Variants in OSBP2 observed in about 807,000 individuals in gnomAD.
OSBP2 encodes the protein oxysterol-binding protein 2.
OSBP2 carries 66 observed loss-of-function variants against 96.0 expected under a neutral mutation model. That is an observed-to-expected ratio of 0.69 (90% CI 0.56 to 0.84). OSBP2 has a LOEUF of 0.84. OSBP2 is among the 40% of genes least tolerant of loss of function. The pLI is 0.00. For missense variants in OSBP2, 1,038 were observed against 1,222.7 expected (o/e 0.85, Z 2.25); for synonymous variants, 525 against 520.9 (o/e 1.01, Z -0.11).
chr22:30,817,823 A>G (rs888782542), intron 2 of OSBP2, among the ~76,000 whole-genome samples: 8 of 152,192 alleles, frequency 5.3e-5, no homozygotes, highest in Non-Finnish European at 1.0e-4. Context: ...AGGAATCTAC[A>G]GTGGGTGTGC....
At chr22:30,761,970 C>T (rs114016225) in intron 2 of OSBP2, among the ~76,000 whole-genome samples, 1 of 152,112 alleles carries the variant, frequency 6.6e-6, no homozygotes, top group Admixed American at 6.5e-5. Flanking sequence ...ATAATACTCC[C>T]AGCAGTTTGG....
chr22:30,795,341 G>A (rs2090742327), intron 2 of OSBP2, among the ~76,000 whole-genome samples: 1 of 152,032 alleles, frequency 6.6e-6, no homozygotes, highest in Admixed American at 6.6e-5. Context: ...CCATATTTGG[G>A]AAAAATTCAT....
chr22:30,841,130 A>G (rs1172597937), intron 2 of OSBP2, among the ~76,000 whole-genome samples: 1 of 152,118 alleles, frequency 6.6e-6, no homozygotes, highest in Non-Finnish European at 1.5e-5. Flanking sequence ...GCATCACTGT[A>G]CTCCAGCCTG....
chr22:30,766,708 A>G (rs2090274684), intron 2 of OSBP2, among the ~76,000 whole-genome samples: 1 of 152,126 alleles, frequency 6.6e-6, no homozygotes, highest in Non-Finnish European at 1.5e-5. Flanking sequence ...GAGGGAGTCC[A>G]TGTTTCCCCT....
intron 1 of OSBP2, among the ~76,000 whole-genome samples, chr22:30,718,979 A>G (rs969142353): frequency 6.6e-6 from 1 of 152,186 alleles, no homozygotes; most frequent in Non-Finnish European, 1.5e-5. Flanking sequence ...ATTTTGCTAG[A>G]TACAGGCATG....
In OSBP2 at chr22:30,811,174, C is replaced by A. The variant is rs866216396; in HGVS notation, c.854-59255C>A. Reference sequence around the variant, plus strand: ...ATATAAGTATACACAACCCCCCCCCCACACATACATATATAAAAATGAGAT... The same window carrying A: ...ATATAAGTATACACAACCCCCCCCCAACACATACATATATAAAAATGAGAT... On this transcript the variant is annotated intron_variant, in intron 2 of 13. Transcript: ENST00000332585. Among the ~76,000 whole-genome samples, 111 of 137,876 alleles carry A rather than the reference C, an allele frequency of 8.1e-4. 4 individuals carry two copies. In the East Asian group the frequency reaches 0.013, roughly 16 times the overall value. The allele number at this position is 137,876 out of a possible 152,430, so 90.5% of individuals were successfully genotyped here.
intron 12 of OSBP2, among the ~76,000 whole-genome samples, chr22:30,905,134 CTTTTTTTTT>C (rs566334052): frequency 0.46 from 31,607 of 69,054 alleles, 6,124 homozygotes; most frequent in East Asian, 0.68. Flanking sequence ...CGAGACCCGT[CTTTTTTTTT>C]TTTTTTTTTT....
chr22:30,723,004 T>C (rs899090165), intron 1 of OSBP2, among the ~76,000 whole-genome samples: 3 of 152,120 alleles, frequency 2.0e-5, no homozygotes, highest in Non-Finnish European at 4.4e-5. Context: ...TAGGTTAGTC[T>C]TGAACTCCTG....
intron 2 of OSBP2, among the ~76,000 whole-genome samples, chr22:30,861,572 C>G (rs903364564): frequency 6.6e-6 from 1 of 152,198 alleles, no homozygotes; most frequent in Non-Finnish European, 1.5e-5. Context: ...ATCTGATTTT[C>G]CATCAGATTA....
intron 2 of OSBP2, among the ~76,000 whole-genome samples, chr22:30,794,809 C>G (rs960382289): frequency 6.6e-6 from 1 of 151,252 alleles, no homozygotes; most frequent in Non-Finnish European, 1.5e-5. Context: ...AAAAAAAATT[C>G]CCGTTACTTT....
At chr22:30,707,716 C>CAA (rs754029016) in intron 1 of OSBP2, among the ~76,000 whole-genome samples, 1 of 110,076 alleles carries the variant, frequency 9.1e-6, no homozygotes, top group Non-Finnish European at 1.9e-5. Flanking sequence ...GACTCTGTCT[C>CAA]AAAAAAAAAA....
chr22:30,794,165 C>G (rs2145830545), intron 2 of OSBP2, among the ~76,000 whole-genome samples: 1 of 152,186 alleles, frequency 6.6e-6, no homozygotes, highest in East Asian at 1.9e-4. Context: ...AGTTCAAGAC[C>G]AGCCTGGGCA....
intron 2 of OSBP2, among the ~76,000 whole-genome samples, chr22:30,837,062 C>T (rs1602336033): frequency 6.6e-6 from 1 of 152,068 alleles, no homozygotes; most frequent in East Asian, 1.9e-4. Context: ...ACTAGCCTGG[C>T]CAACATGGCG....
chr22:30,770,953 C>A (rs1349097779), intron 2 of OSBP2, among the ~76,000 whole-genome samples: 2 of 152,198 alleles, frequency 1.3e-5, no homozygotes, highest in Non-Finnish European at 2.9e-5. Context: ...TGAGTCATCT[C>A]GGCTCATTGC....
At chr22:30,739,391 TGCCTCTACGTCTGCCCCCTCAG>T (rs1434577027) in intron 1 of OSBP2, among the ~76,000 whole-genome samples, 1 of 152,212 alleles carries the variant, frequency 6.6e-6, no homozygotes, top group African/African-American at 2.4e-5. Flanking sequence ...CAGCAGGAGA[TGCCTCTACGTCTGCCCCCTCAG>T]GCTCTGGGCC....
chr22:30,904,244 T>C lies in OSBP2; in HGVS notation c.2376-1593T>C, dbSNP rs144515467. 2.3e-3 allele frequency among the ~76,000 whole-genome samples: 357 copies of C among 152,348 alleles called. 2 individuals carry two copies. The highest frequency in any genetic ancestry group is 0.013 in the East Asian group (68 of 5,182). ...AGCTGTCATCCTTGGCTTCTCCTAC[T>C]GTATCTTTGTTACAAGCCCTCCGCA... On this transcript the variant is annotated intron_variant, in intron 12 of 13. Coordinates refer to ENST00000332585, the MANE Select transcript of OSBP2 (RefSeq NM_030758.4).
At chr22:30,694,563 T>C (rs1390417153), upstream of OSBP2, among the ~76,000 whole-genome samples, 12 of 112,252 alleles carry the variant, frequency 1.1e-4, no homozygotes, top group South Asian at 2.9e-3. Context: ...GCATTCATCA[T>C]TGTTCCTCCA....
chr22:30,809,791 T>C (rs1180696828), intron 2 of OSBP2, among the ~76,000 whole-genome samples: 1 of 152,110 alleles, frequency 6.6e-6, no homozygotes, highest in Non-Finnish European at 1.5e-5. Flanking sequence ...AGAAGTGAGC[T>C]AGAGGTGTGG....
At chr22:30,862,741 A>C (rs2039241004) in intron 2 of OSBP2, among the ~76,000 whole-genome samples, 1 of 151,984 alleles carries the variant, frequency 6.6e-6, no homozygotes, top group Non-Finnish European at 1.5e-5. Context: ...TGGGAGGCTA[A>C]GGTGGGTGGA....
Sources: gnomAD v4.1 joint callset for allele counts (sites outside exome capture counted in the v4.1 genomes callset) on GRCh38, gnomAD v4.1.1 for gene constraint, MANE v1.5 for transcripts, NCBI Gene and HGNC (gene_info 2026-07-23, HGNC 2026-07-21) for gene names.